HSPA4: variants seen among roughly 807,000 people sequenced by gnomAD.
HSPA4 encodes heat shock 70 kDa protein 4.
HSPA4 carries 25 observed loss-of-function variants against 106.2 expected under a neutral mutation model. That is an observed-to-expected ratio of 0.24 (90% CI 0.17 to 0.33). The LOEUF (loss-of-function observed/expected upper bound fraction) is 0.33. HSPA4 is among the 10% of genes least tolerant of loss of function. HSPA4 has a pLI of 1.00. For missense variants in HSPA4, 841 were observed against 996.0 expected, an observed-to-expected ratio of 0.84 and a Z score of 2.10; for synonymous variants, 332 against 333.6, an observed-to-expected ratio of 1.00 and a Z score of 0.05.
intron 1 of HSPA4, chr5:133,052,631 G>C (rs1248066641): frequency 9.4e-6 from 4 of 426,726 alleles, no homozygotes; most frequent in Middle Eastern, 1.2e-3. Context: ...CGGAGGGCAC[G>C]GGTAGGAACT....
In HSPA4 at chr5:133,076,639, C is replaced by T; in HGVS notation, c.664-15C>T. The T allele has an allele frequency of 6.2e-7, 1 of 1,604,960 alleles. No individual in the cohort carries two copies. Among genetic ancestry groups the T allele is most frequent in the Non-Finnish European group, 8.5e-7 (1 of 1,173,320 alleles). On this transcript the variant is annotated splice_polypyrimidine_tract_variant and intron_variant, in intron 6 of 18. Coordinates refer to ENST00000304858, the MANE Select transcript of HSPA4 (RefSeq NM_002154.4). Reference sequence around the variant, plus strand: ...ATTGGTTAATTGTTAGATTAATTCTCATTTTTTCCTTAAGGTTCTGGCCAC... The same window carrying T: ...ATTGGTTAATTGTTAGATTAATTCTTATTTTTTCCTTAAGGTTCTGGCCAC...
intron 4 of HSPA4, among the ~76,000 whole-genome samples, chr5:133,072,562 ATT>A (rs1221515710): frequency 6.2e-5 from 8 of 130,052 alleles, no homozygotes; most frequent in Non-Finnish European, 6.8e-5. Flanking sequence ...CTAGTGGTTT[ATT>A]TTTTTTTTTT....
chr5:133,071,672 G>A (rs886383916), intron 4 of HSPA4, among the ~76,000 whole-genome samples: 1 of 152,108 alleles, frequency 6.6e-6, no homozygotes, highest in East Asian at 1.9e-4. Flanking sequence ...CTTAATGTTG[G>A]TGCATTGATT....
chr5:133,076,590 T>C (rs747334682), intron 6 of HSPA4, 64 bp from the exon 7 acceptor site: 4 of 1,435,906 alleles, frequency 2.8e-6, no homozygotes, highest in Non-Finnish European at 3.8e-6. Context: ...ACCAGGTAAA[T>C]ATATATCATC....
At chr5:133,104,168 T>A in intron 18 of HSPA4, 65 bp from the exon 19 acceptor site, 1 of 1,546,482 alleles carries the variant, frequency 6.5e-7, no homozygotes, top group South Asian at 1.1e-5. Flanking sequence ...CGGATTTGGG[T>A]TTAGCATGGC....
Position 133,052,159 on chromosome 5 carries a change from G to A in HSPA4, c.-92G>A. ...AAGCCCCTCAGTAGCCTCGGCCCAA[G>A]AGGCCTGCTTTCCACTCGCTAGCCC... is the stretch of plus-strand genomic sequence containing the variant. On this transcript the variant is annotated 5_prime_UTR_variant, in exon 1 of 19. Transcript: ENST00000304858. 1.2e-6 allele frequency: 1 copy of A among 846,290 alleles called. No individual in the cohort carries two copies. The highest frequency in any genetic ancestry group is 1.9e-6 in the Non-Finnish European group (1 of 531,206). The allele number at this position is 846,290 out of a possible 1,614,324, so 52.4% of individuals were successfully genotyped here.
intron 11 of HSPA4, among the ~76,000 whole-genome samples, chr5:133,089,910 G>C (rs1334704242): frequency 3.3e-5 from 5 of 152,014 alleles, no homozygotes; most frequent in Admixed American, 6.6e-5. Flanking sequence ...GAAAGAACAA[G>C]TATGGTATTC....
At chr5:133,061,719 A>G (rs1027902546) in intron 1 of HSPA4, among the ~76,000 whole-genome samples, 11 of 151,890 alleles carry the variant, frequency 7.2e-5, no homozygotes, top group African/African-American at 2.4e-5. Flanking sequence ...TCCTGGGTTC[A>G]AGCGATTCTG....
At position 133,096,034 on chromosome 5, in the gene HSPA4, A is replaced by T. The variant is rs184827308; in HGVS notation, c.1651-64A>T. 7.7e-4 allele frequency: 1,079 copies of T among 1,406,984 alleles called. 6 individuals are homozygous for T. Among genetic ancestry groups the T allele is most frequent in the Middle Eastern group, 6.2e-3 (34 of 5,512 alleles). The allele number at this position is 1,406,984 out of a possible 1,614,324, so 87.2% of individuals were successfully genotyped here. Reference sequence around the variant, plus strand: ...AAAGCAAAAACAGTTTTCCAACATGACTCATTTTGAAGTTTAAGGTAGTCT... The same window carrying T: ...AAAGCAAAAACAGTTTTCCAACATGTCTCATTTTGAAGTTTAAGGTAGTCT... On this transcript the variant is annotated intron_variant, in intron 13 of 18. Transcript: ENST00000304858.
At position 133,076,735 on chromosome 5, in the gene HSPA4, G is replaced by T. The variant is rs1188433111; in HGVS notation, c.745G>T (p.Gly249Trp). 1.9e-6 allele frequency: 3 copies of T among 1,613,694 alleles called. No homozygotes were observed. The African/African-American group carries it at 4.0e-5, about 22-fold the overall frequency. ...AGTAAATCACTTCTGTGAAGAATTT[G>T]GGAAGAAATACAAGCTAGACATTAA... Reference protein sequence around the residue: ...VLVNHFCEEFGKKYKLDIKSK... With the variant: ...VLVNHFCEEFWKKYKLDIKSK... Residue 249 changes from glycine to tryptophan, a missense_variant, in exon 7 of 19, where the codon GGG becomes TGG. By Grantham distance (184) the Gly-to-Trp change is radical. This residue lies in a region of HSPA4 where 347 missense variants were observed against 408.7 expected (regional missense o/e 0.85). Transcript: ENST00000304858.
intron 4 of HSPA4, among the ~76,000 whole-genome samples, chr5:133,072,264 G>A (rs74646233): frequency 0.026 from 3,895 of 152,248 alleles, 88 homozygotes; most frequent in Non-Finnish European, 0.033. Flanking sequence ...GGCACATGAG[G>A]CAGAGTCTGG....
intron 13 of HSPA4, among the ~76,000 whole-genome samples, chr5:133,095,621 C>T (rs140874367): frequency 2.2e-3 from 339 of 152,238 alleles, no homozygotes; most frequent in African/African-American, 7.7e-3. Context: ...CTCCTCCTCA[C>T]TAACTTCATT....
intron 13 of HSPA4, among the ~76,000 whole-genome samples, chr5:133,094,839 A>G (rs1320776465): frequency 6.6e-6 from 1 of 152,226 alleles, no homozygotes; most frequent in Non-Finnish European, 1.5e-5. Context: ...GCTTTATCAT[A>G]GAACAAATTG....
At chr5:133,068,565 GTTGCAGTGTAGC>G (rs1765341661) in intron 3 of HSPA4, among the ~76,000 whole-genome samples, 1 of 152,198 alleles carries the variant, frequency 6.6e-6, no homozygotes, top group South Asian at 2.1e-4. Flanking sequence ...GTAGTCTGCT[GTTGCAGTGTAGC>G]TGATAATTTA....
chr5:133,073,950 TACTTAGACG>T, intron 5 of HSPA4, 34 bp from the exon 6 acceptor site: 1 of 1,396,196 alleles, frequency 7.2e-7, no homozygotes. Flanking sequence ...GAATTTTATT[TACTTAGACG>T]TTATTTTTAA....
At chr5:133,068,181 C>T (rs112866713) in intron 3 of HSPA4, among the ~76,000 whole-genome samples, 2,377 of 152,168 alleles carry the variant, frequency 0.016, 30 homozygotes, top group Middle Eastern at 0.037. Flanking sequence ...CGTGAGCCAC[C>T]GCACCTGGTA....
At chr5:133,056,780 A>T (rs938323436) in intron 1 of HSPA4, among the ~76,000 whole-genome samples, 1 of 152,200 alleles carries the variant, frequency 6.6e-6, no homozygotes, top group African/African-American at 2.4e-5. Context: ...ATATTGCCAG[A>T]ATTCTTTACA....
chr5:133,100,714 A>T (rs1211552235), intron 16 of HSPA4, among the ~76,000 whole-genome samples: 1 of 152,234 alleles, frequency 6.6e-6, no homozygotes, highest in Admixed American at 6.5e-5. Flanking sequence ...AAAGAATTAC[A>T]TAAAATTGAG....
At chr5:133,074,965 C>A (rs1185476710) in intron 6 of HSPA4, among the ~76,000 whole-genome samples, 1 of 152,066 alleles carries the variant, frequency 6.6e-6, no homozygotes, top group Non-Finnish European at 1.5e-5. Context: ...TTGTTGGTGC[C>A]AAGGTCTGAA....
Sources: gnomAD v4.1 joint callset for allele counts (sites outside exome capture counted in the v4.1 genomes callset) on GRCh38, gnomAD v4.1.1 for gene constraint, gnomAD v4.1.1 regional missense constraint, MANE v1.5 for transcripts, NCBI Gene and HGNC (gene_info 2026-07-23, HGNC 2026-07-21) for gene names.